The following RNF111 variants were observed in gnomAD, a reference collection of about 807,000 sequenced individuals.
RNF111 encodes E3 ubiquitin-protein ligase Arkadia.
A neutral mutation model predicts 95.1 loss-of-function variants in RNF111; 17 were observed. The observed-to-expected ratio is 0.18, with a 90% CI of 0.12 to 0.27. RNF111 has a LOEUF of 0.27. RNF111 is among the 10% of genes least tolerant of loss of function. The probability of loss-of-function intolerance (pLI) is 1.00; values close to 1 mark genes in which losing one functional copy is unlikely to be tolerated. For missense variants in RNF111, 1,189 were observed against 1,210.4 expected (o/e 0.98, Z 0.26); for synonymous variants, 440 against 414.8 (o/e 1.06, Z -0.74).
intron 3 of RNF111, among the ~76,000 whole-genome samples, chr15:59,053,792 G>A (rs1056303230): frequency 8.1e-4 from 123 of 152,206 alleles, no homozygotes; most frequent in African/African-American, 2.7e-3. Flanking sequence ...TTGATGTCAA[G>A]CAGATGCATT....
At chr15:59,091,574 A>G (rs2079054196) in intron 12 of RNF111, among the ~76,000 whole-genome samples, 1 of 152,078 alleles carries the variant, frequency 6.6e-6, no homozygotes, top group East Asian at 1.9e-4. Flanking sequence ...CAGTACTGTA[A>G]TTTTTTTAAC....
chr15:59,040,221 TC>T (rs1304329878), intron 2 of RNF111, among the ~76,000 whole-genome samples: 18 of 152,162 alleles, frequency 1.2e-4, no homozygotes, highest in Non-Finnish European at 4.4e-5. Context: ...GCTCAAGTGA[TC>T]CTCCTGCCTC....
At chr15:59,091,188 T>C in intron 12 of RNF111, 34 bp downstream of exon 12, 1 of 1,241,316 alleles carries the variant, frequency 8.1e-7, no homozygotes, top group Non-Finnish European at 1.2e-6. Context: ...TCTGGAGTGT[T>C]ACTGAAAGGC....
chr15:58,995,465 GT>G (rs35375652), intron 1 of RNF111, among the ~76,000 whole-genome samples: 22 of 146,470 alleles, frequency 1.5e-4, no homozygotes, highest in Admixed American at 6.1e-4. Flanking sequence ...ATAACCTCTT[GT>G]TTTTTTTTTT....
chr15:59,043,504 G>A (rs1221804720), intron 2 of RNF111, among the ~76,000 whole-genome samples: 1 of 152,088 alleles, frequency 6.6e-6, no homozygotes, highest in Non-Finnish European at 1.5e-5. Flanking sequence ...GGTCCTGCTT[G>A]TGTTTCTGCA....
At chr15:59,084,749 C>T (rs1207753374) in intron 9 of RNF111, among the ~76,000 whole-genome samples, 1 of 152,032 alleles carries the variant, frequency 6.6e-6, no homozygotes, top group African/African-American at 2.4e-5. Flanking sequence ...CATCGACCAG[C>T]ATCTCCCCTT....
At chr15:59,007,027 C>T (rs1311875912) in intron 1 of RNF111, among the ~76,000 whole-genome samples, 5 of 152,154 alleles carry the variant, frequency 3.3e-5, no homozygotes, top group African/African-American at 1.2e-4. Flanking sequence ...ACCTTGTGAT[C>T]TGCCTGCCTC....
At chr15:59,074,113 C>G (rs2043062760) in intron 6 of RNF111, among the ~76,000 whole-genome samples, 1 of 152,038 alleles carries the variant, frequency 6.6e-6, no homozygotes, top group South Asian at 2.1e-4. Flanking sequence ...TTCAGTAAAC[C>G]ACGTAAATAG....
intron 1 of RNF111, among the ~76,000 whole-genome samples, chr15:59,026,673 C>G (rs569657517): frequency 6.6e-6 from 1 of 151,718 alleles, no homozygotes; most frequent in African/African-American, 2.4e-5. Context: ...TTGAACTTTC[C>G]TCTTCTAAGT....
At chr15:59,000,928 A>G (rs150605143) in intron 1 of RNF111, among the ~76,000 whole-genome samples, 16 of 152,288 alleles carry the variant, frequency 1.1e-4, no homozygotes, top group African/African-American at 3.6e-4. Context: ...GTGGGGAAAC[A>G]AAGTTGTAGA....
At chr15:59,023,179 C>T (rs913453631) in intron 1 of RNF111, among the ~76,000 whole-genome samples, 24 of 152,034 alleles carry the variant, frequency 1.6e-4, no homozygotes, top group Non-Finnish European at 2.5e-4. Context: ...ATCCGGGAGG[C>T]GTAGGTTGCA....
chr15:59,002,213 C>T (rs1399958305), intron 1 of RNF111, among the ~76,000 whole-genome samples: 3 of 152,168 alleles, frequency 2.0e-5, no homozygotes, highest in African/African-American at 7.2e-5. Flanking sequence ...TTAAAACTCA[C>T]CATTCTATTT....
chr15:59,054,139 A>G (rs1431073433), intron 3 of RNF111, among the ~76,000 whole-genome samples: 1 of 151,912 alleles, frequency 6.6e-6, no homozygotes, highest in African/African-American at 2.4e-5. Flanking sequence ...GGGTTTCAGC[A>G]TATTAGCCAG....
rs374436217 is a variant in RNF111, at chr15:59,036,352, C to T, written c.880+4650C>T. ...CTGGGATTACAGGTTTGAGCCACCG[C>T]ACCCGGCCAAGACTGGTAACTTATA... On this transcript the variant is annotated intron_variant, in intron 2 of 13. Transcript: ENST00000348370. 3.1e-4 allele frequency among the ~76,000 whole-genome samples: 47 copies of T among 152,268 alleles called. 1 individual carries two copies. The South Asian group carries it at 9.3e-3, about 30-fold the overall frequency.
chr15:59,039,864 A>T (rs1323034892), intron 2 of RNF111, among the ~76,000 whole-genome samples: 1 of 151,770 alleles, frequency 6.6e-6, no homozygotes, highest in Admixed American at 6.6e-5. Flanking sequence ...CTACAGGCAC[A>T]TGCCACCGTG....
chr15:59,067,648 C>G (rs191167162), intron 6 of RNF111, among the ~76,000 whole-genome samples: 2 of 152,144 alleles, frequency 1.3e-5, no homozygotes, highest in Admixed American at 6.5e-5. Flanking sequence ...AAAACTGATA[C>G]TTAATCTAAA....
intron 1 of RNF111, among the ~76,000 whole-genome samples, chr15:59,005,277 A>G (rs2039490373): frequency 6.6e-6 from 1 of 152,202 alleles, no homozygotes; most frequent in Non-Finnish European, 1.5e-5. Flanking sequence ...TCCTCCCTGC[A>G]TGAAGTGCTG....
At chr15:59,088,652 C>T (rs548775260) in intron 10 of RNF111, among the ~76,000 whole-genome samples, 1 of 152,232 alleles carries the variant, frequency 6.6e-6, no homozygotes, top group South Asian at 2.1e-4. Flanking sequence ...CTATGCATGG[C>T]AGTTATGATC....
At chr15:59,030,308 C>T (rs1266672357) in intron 1 of RNF111, among the ~76,000 whole-genome samples, 2 of 152,102 alleles carry the variant, frequency 1.3e-5, no homozygotes, top group Non-Finnish European at 2.9e-5. Flanking sequence ...AGCTTATATT[C>T]ATTAGCTCAT....
Sources: allele counts gnomAD v4.1 joint callset (sites outside exome capture counted in the v4.1 genomes callset), GRCh38; gene constraint gnomAD v4.1.1; transcripts MANE v1.5; gene names NCBI Gene and HGNC (gene_info 2026-07-23, HGNC 2026-07-21).